Variants in SIK3 observed in about 807,000 individuals in gnomAD.
The protein encoded by SIK3 is SIK family kinase 3.
Under a neutral mutation model 144.2 loss-of-function variants are expected in SIK3, and 28 were observed. That is an observed-to-expected ratio of 0.19 (90% confidence interval 0.14 to 0.27). SIK3 has a LOEUF of 0.27. SIK3 is among the 10% of genes least tolerant of loss of function. SIK3 has a pLI of 1.00. For synonymous variants in SIK3, 686 were observed against 676.3 expected, an observed-to-expected ratio of 1.01 and a Z score of -0.22; for missense variants, 1,319 against 1,776.0, an observed-to-expected ratio of 0.74 and a Z score of 4.62.
At position 116,989,466 on chromosome 11, in the gene SIK3, G is replaced by A. The variant is rs550775034; in HGVS notation, c.274-32402C>T. Reference sequence around the variant, plus strand: ...CTGGCTCAACACAATAGAAACTATCGTTCTAAATCCCAAGAGCAAACAAGT... The same window carrying A: ...CTGGCTCAACACAATAGAAACTATCATTCTAAATCCCAAGAGCAAACAAGT... On this transcript the variant is annotated intron_variant, in intron 1 of 24. Coordinates refer to ENST00000445177, the MANE Select transcript of SIK3 (RefSeq NM_001366686.3). Among the ~76,000 whole-genome samples, 126 of 152,152 alleles carry A rather than the reference G, an allele frequency of 8.3e-4. 1 individual carries two copies. The highest frequency in any genetic ancestry group is 2.9e-3 in the African/African-American group (122 of 41,514).
intron 1 of SIK3, among the ~76,000 whole-genome samples, chr11:117,061,727 A>T (rs1041421187): frequency 6.6e-6 from 1 of 152,162 alleles, no homozygotes; most frequent in Non-Finnish European, 1.5e-5. Context: ...GTGCATATTT[A>T]AGTTGAAAAG....
At chr11:117,041,957 C>A (rs1171926589) in intron 1 of SIK3, among the ~76,000 whole-genome samples, 1 of 151,984 alleles carries the variant, frequency 6.6e-6, no homozygotes, top group Non-Finnish European at 1.5e-5. Flanking sequence ...TTACCATTTT[C>A]CATTCTCTAT....
intron 1 of SIK3, among the ~76,000 whole-genome samples, chr11:117,081,214 T>C (rs975314643): frequency 6.6e-6 from 1 of 152,164 alleles, no homozygotes; most frequent in African/African-American, 2.4e-5. Flanking sequence ...AGTTAATGTT[T>C]TCTCTGGAGA....
At chr11:116,897,398 G>A in intron 4 of SIK3, 81 bp from the exon 5 acceptor site, 1 of 1,249,044 alleles carries the variant, frequency 8.0e-7, no homozygotes, top group East Asian at 2.5e-5. Flanking sequence ...AGTCACTAAA[G>A]ATTCCAAATC....
intron 1 of SIK3, among the ~76,000 whole-genome samples, chr11:117,023,452 G>C (rs1184370486): frequency 6.8e-6 from 1 of 146,166 alleles, no homozygotes; most frequent in African/African-American, 2.6e-5. Flanking sequence ...TCACTCTGTC[G>C]CTCAAGCTGG....
chr11:116,974,363 A>T (rs533304337), intron 1 of SIK3, among the ~76,000 whole-genome samples: 1 of 152,342 alleles, frequency 6.6e-6, no homozygotes, highest in East Asian at 1.9e-4. Flanking sequence ...CACTAGACCT[A>T]TATCCAGAAT....
chr11:116,861,381 A>T lies in SIK3; in HGVS notation c.2318T>A (p.Leu773Ter). The T allele has an allele frequency of 6.3e-7, 1 of 1,595,344 alleles. No individual in the cohort carries two copies. Among genetic ancestry groups the T allele is most frequent in the East Asian group, 2.3e-5 (1 of 44,352 alleles). The change falls in exon 19 of 25, where the codon TTA (leucine) becomes TAA (stop). Residue 773 changes from leucine to a stop codon, truncating the protein, a stop_gained and splice_region_variant. Coordinates refer to ENST00000445177, the MANE Select transcript of SIK3 (RefSeq NM_001366686.3). LOFTEE classifies it high-confidence loss of function. ...GGGTGGGCTTGAAGGCTGAATCCTTAACCTTAAAAATAACAAAAGAGATAC... is the reference window on the plus strand; with the variant it reads ...GGGTGGGCTTGAAGGCTGAATCCTTTACCTTAAAAATAACAAAAGAGATAC... Reference protein sequence around the residue: ...PALLTHQLQRLRIQPSSPPPN... With the variant: ...PALLTHQLQR
chr11:116,926,248 T>C (rs1277147870), intron 4 of SIK3, among the ~76,000 whole-genome samples: 1 of 152,242 alleles, frequency 6.6e-6, no homozygotes, highest in Non-Finnish European at 1.5e-5. Context: ...TACCGGAAAG[T>C]GTCGGCAAAC....
chr11:116,923,607 C>T (rs1947121501), intron 4 of SIK3, among the ~76,000 whole-genome samples: 1 of 152,206 alleles, frequency 6.6e-6, no homozygotes, highest in Non-Finnish European at 1.5e-5. Context: ...AAGAGAAAGA[C>T]TGCATGAGCA....
intron 6 of SIK3, among the ~76,000 whole-genome samples, chr11:116,882,450 TC>T (rs1944599344): frequency 6.6e-6 from 1 of 152,166 alleles, no homozygotes; most frequent in Non-Finnish European, 1.5e-5. Flanking sequence ...TTCAGGCTGA[TC>T]CTATGAAGGA....
chr11:116,998,341 C>T (rs1455510074), intron 1 of SIK3, among the ~76,000 whole-genome samples: 1 of 151,728 alleles, frequency 6.6e-6, no homozygotes, highest in Non-Finnish European at 1.5e-5. Context: ...CATGGTGGCG[C>T]ACGCCTGTAG....
At position 116,857,838 on chromosome 11, in the gene SIK3, TGCA is replaced by T; in HGVS notation, c.3624_3626del (p.Ala1209del). On this transcript the variant is annotated inframe_deletion, in exon 21 of 25. Coordinates refer to ENST00000445177, the MANE Select transcript of SIK3 (RefSeq NM_001366686.3). ...TGCTGGGCACCTTATTTTTACTGAA[TGCA>T]GCAGTTGGCTGATGACCATAGGGAT... 6.2e-7 allele frequency: 1 copy of T among 1,614,232 alleles called. No homozygotes were observed. Among genetic ancestry groups the T allele is most frequent in the Non-Finnish European group, 8.5e-7 (1 of 1,180,038 alleles).
intron 1 of SIK3, among the ~76,000 whole-genome samples, chr11:117,096,041 GA>G (rs1431179062): frequency 6.6e-6 from 1 of 152,166 alleles, no homozygotes; most frequent in African/African-American, 2.4e-5. Context: ...CAAGGTCTCA[GA>G]GAAAAACTAT....
In SIK3 at chr11:116,944,489, G is replaced by A. The variant is rs557421651; in HGVS notation, c.454+9555C>T. Among the ~76,000 whole-genome samples, 6 of 151,454 alleles carry A rather than the reference G, an allele frequency of 4.0e-5. No homozygotes were observed. The South Asian group carries it at 1.3e-3, about 32-fold the overall frequency. ...AGCAATCAATCAATCAATCAATCAG[G>A]CTTATGTAAAATAAAAACACTGAAC... On this transcript the variant is annotated intron_variant, in intron 3 of 24. Coordinates refer to ENST00000445177, the MANE Select transcript of SIK3 (RefSeq NM_001366686.3).
At chr11:116,875,541 A>G in intron 9 of SIK3, 90 bp from the exon 10 acceptor site, 5 of 1,391,474 alleles carry the variant, frequency 3.6e-6, no homozygotes, top group Non-Finnish European at 3.9e-6. Context: ...GCTAAAGTCT[A>G]TGTTTCCCTG....
At chr11:116,973,940 G>A (rs1250883720) in intron 1 of SIK3, among the ~76,000 whole-genome samples, 1 of 152,160 alleles carries the variant, frequency 6.6e-6, no homozygotes, top group Non-Finnish European at 1.5e-5. Context: ...ATGGCGTGTG[G>A]TATCCTGGAC....
chr11:116,971,873 G>A (rs1398098696), intron 1 of SIK3, among the ~76,000 whole-genome samples: 1 of 151,956 alleles, frequency 6.6e-6, no homozygotes, highest in Non-Finnish European at 1.5e-5. Context: ...TGGATCACGA[G>A]GTCAGGAGTT....
rs781430041 is a variant in SIK3 at position 116,859,347 on chromosome 11, G to A, written c.2683C>T (p.Arg895Cys). The change falls in exon 20 of 25, where the codon CGT becomes TGT. Residue 895 changes from arginine to cysteine, a missense_variant. Physicochemically the swap from Arg to Cys is radical, Grantham distance 180. Transcript: ENST00000445177. ...PSAGQMQMQH[R>C]TNLMATLSYG... The stretch of plus-strand genomic sequence containing the variant: ...CTGAGGGTGGCCATCAGGTTGGTAC[G>A]GTGCTGCATCTGCATCTGACCAGCA... The A allele has an allele frequency of 9.9e-6, 16 of 1,614,022 alleles. No individual in the cohort carries two copies. Among genetic ancestry groups the A allele is most frequent in the East Asian group, 6.7e-5 (3 of 44,886 alleles).
chr11:116,857,715 AG>A (rs1943031987), intron 21 of SIK3, 94 bp downstream of exon 21: 1 of 1,479,118 alleles, frequency 6.8e-7, no homozygotes, highest in African/African-American at 1.4e-5. Context: ...TTTTTTTCTT[AG>A]GAACACAGAA....
Sources: gnomAD v4.1 joint callset for allele counts (sites outside exome capture counted in the v4.1 genomes callset) on GRCh38, gnomAD v4.1.1 for gene constraint, MANE v1.5 for transcripts, NCBI Gene and HGNC (gene_info 2026-07-23, HGNC 2026-07-21) for gene names.